The following SLCO4A1 variants were observed in gnomAD, a reference collection of about 807,000 sequenced individuals.
The protein encoded by SLCO4A1 is solute carrier organic anion transporter family member 4A1.
A neutral mutation model predicts 64.6 loss-of-function variants in SLCO4A1; 51 were observed. The observed-to-expected ratio is 0.79, with a 90% confidence interval of 0.63 to 1.00. The LOEUF (loss-of-function observed/expected upper bound fraction) is 1.00. SLCO4A1 is among the 50% of genes least tolerant of loss of function. The pLI, the probability that SLCO4A1 is intolerant of heterozygous loss-of-function variation, is 0.00. For synonymous variants in SLCO4A1, 471 were observed against 444.9 expected, an observed-to-expected ratio of 1.06 and a Z score of -0.74; for missense variants, 919 against 980.5, an observed-to-expected ratio of 0.94 and a Z score of 0.84.
At chr20:62,662,309 A>G (rs1274178297) in intron 5 of SLCO4A1, among the ~76,000 whole-genome samples, 4 of 152,140 alleles carry the variant, frequency 2.6e-5, no homozygotes, top group Non-Finnish European at 5.9e-5. Flanking sequence ...ACCCGGGGCC[A>G]CGTTCCCAGG....
intron 3 of SLCO4A1, 50 bp downstream of exon 3, chr20:62,658,817 C>G (rs763968840): frequency 6.8e-7 from 1 of 1,469,506 alleles, no homozygotes; most frequent in African/African-American, 1.4e-5. Flanking sequence ...CCACGTGTCT[C>G]TGGAAGGGGG....
rs770197123 is a variant in SLCO4A1, at chr20:62,645,885, C to T, written c.-97+3332C>T. ...TGAGGCATTGCCCCTCTGGCCCAAGCCGCAGGGAGAGCTTGCGATGCTTTG... is the reference window on the plus strand; with the variant it reads ...TGAGGCATTGCCCCTCTGGCCCAAGTCGCAGGGAGAGCTTGCGATGCTTTG... On this transcript the variant is annotated intron_variant, in intron 1 of 11. Coordinates refer to ENST00000217159, the MANE Select transcript of SLCO4A1 (RefSeq NM_016354.4). This position sits in a 1 kb window ranked among gnomAD's most constrained non-coding sequence, Gnocchi z 4.2. Among the ~76,000 whole-genome samples the T allele has an allele frequency of 6.6e-6, 1 of 152,100 alleles. No individual in the cohort carries two copies. Among genetic ancestry groups the T allele is most frequent in the Non-Finnish European group, 1.5e-5 (1 of 68,010 alleles).
In SLCO4A1 at chr20:62,665,098, C is replaced by T. The variant is rs1405358587; in HGVS notation, c.1276+10C>T. On this transcript the variant is annotated intron_variant, in intron 6 of 11. Coordinates refer to ENST00000217159, the MANE Select transcript of SLCO4A1 (RefSeq NM_016354.4). ...GCTGCCACCTTGTTTGGTGAGAAAA[C>T]TGAATCTTGGGGGTCCTCTGCTTTT... The T allele has an allele frequency of 6.3e-7, 1 of 1,599,882 alleles. No homozygotes were observed. Among genetic ancestry groups the T allele is most frequent in the Non-Finnish European group, 8.5e-7 (1 of 1,174,652 alleles).
At position 62,656,733 on chromosome 20, in the gene SLCO4A1, G is replaced by A. The variant is rs141017928; in HGVS notation, c.279G>A (p.Pro93=). The A allele has an allele frequency of 1.5e-4, 240 of 1,611,540 alleles. 1 individual carries two copies. Among genetic ancestry groups the A allele is most frequent in the Non-Finnish European group, 1.9e-4 (222 of 1,179,360 alleles). Reference sequence around the variant, plus strand: ...CGTGCGGCTGGTGGGCCTTCGCACCGCCGTGCCTGCAGGTCCTCAACACGC... The same window carrying A: ...CGTGCGGCTGGTGGGCCTTCGCACCACCGTGCCTGCAGGTCCTCAACACGC... ...SVACGWWAFA[P]PCLQVLNTPK... The change falls in exon 2 of 12, where the codon CCG becomes CCA. Residue 93 remains proline (P), a synonymous_variant. Transcript: ENST00000217159.
chr20:62,651,779 T>G (rs948774872), intron 1 of SLCO4A1: 1 of 152,270 alleles, frequency 6.6e-6, no homozygotes, highest in Non-Finnish European at 1.5e-5. Flanking sequence ...CTCAAAGCTA[T>G]GCAGACGGGA....
downstream of SLCO4A1, among the ~76,000 whole-genome samples, chr20:62,676,691 A>G (rs1352415245): frequency 6.6e-6 from 1 of 152,234 alleles, no homozygotes; most frequent in Non-Finnish European, 1.5e-5. Context: ...GTGGGAATGT[A>G]AAACGGTAAA....
At chr20:62,642,594 G>A (rs1364761562) in intron 1 of SLCO4A1, 41 bp downstream of exon 1, 4 of 184,390 alleles carry the variant, frequency 2.2e-5, no homozygotes, top group South Asian at 8.7e-5. Flanking sequence ...GGGTGCACAG[G>A]GCCCGACCTG....
At chr20:62,667,528 G>A in intron 7 of SLCO4A1, 1 of 591,740 alleles carries the variant, frequency 1.7e-6, no homozygotes, top group South Asian at 2.2e-5. Flanking sequence ...GGGGGCATGG[G>A]TGTGCCTTCC....
chr20:62,688,329 C>T (rs1366568826), downstream of SLCO4A1, among the ~76,000 whole-genome samples: 2 of 152,152 alleles, frequency 1.3e-5, no homozygotes, highest in Non-Finnish European at 2.9e-5. Context: ...CTGCCCCCTA[C>T]ACCACTCAGT....
rs986372690 is a variant in SLCO4A1 at position 62,657,212 on chromosome 20, A to T, written c.758A>T (p.Asp253Val). ...TACACGCTGGGCGTCACCTACCTGG[A>T]TGAGAACGTCAAGTCCAGCTGCTCG... ...PLYTLGVTYL[D>V]ENVKSSCSPV... Residue 253 changes from aspartate (D) to valine (V), a missense_variant, in exon 2 of 12, where the codon GAT (aspartate) becomes GTT (valine). Asp to Val is a radical substitution (Grantham distance 152). Transcript: ENST00000217159. The T allele has an allele frequency of 1.1e-5, 17 of 1,542,952 alleles. No homozygotes were observed. The Admixed American group carries it at 2.7e-4, about 25-fold the overall frequency.
rs1986344558 is a variant in SLCO4A1, at chr20:62,666,402, T to G, written c.1299T>G (p.Gly433=). 1.2e-6 allele frequency: 2 copies of G among 1,612,346 alleles called. No individual in the cohort carries two copies. Among genetic ancestry groups the G allele is most frequent in the African/African-American group, 2.7e-5 (2 of 74,664 alleles). The change falls in exon 7 of 12, where the codon GGT becomes GGG. Residue 433 remains glycine, a synonymous_variant. Transcript: ENST00000217159. ...TLFGYLVVPA[G]GGGTFLGGFF... is the part of the protein sequence containing the mutation. Reference sequence around the variant, plus strand: ...CAGGGTACCTGGTGGTGCCAGCGGGTGGTGGCGGCACCTTCCTGGGCGGCT... The same window carrying G: ...CAGGGTACCTGGTGGTGCCAGCGGGGGGTGGCGGCACCTTCCTGGGCGGCT...
rs1981165599 is a variant in SLCO4A1, at chr20:62,645,545, A to G, written c.-97+2992A>G. Among the ~76,000 whole-genome samples, 4 of 150,478 alleles carry G rather than the reference A, an allele frequency of 2.7e-5. No homozygotes were observed. Among genetic ancestry groups the G allele is most frequent in the African/African-American group, 7.3e-5 (3 of 41,106 alleles). On this transcript the variant is annotated intron_variant, in intron 1 of 11. Coordinates refer to ENST00000217159, the MANE Select transcript of SLCO4A1 (RefSeq NM_016354.4). This position sits in a 1 kb window ranked among gnomAD's most constrained non-coding sequence, Gnocchi z 4.2. ...GCAGCCTCACCCTCAGTCCTCAGACACTGGGGTCTCCGGCTGTCTCCAACC... is the reference window on the plus strand; with the variant it reads ...GCAGCCTCACCCTCAGTCCTCAGACGCTGGGGTCTCCGGCTGTCTCCAACC...
intron 11 of SLCO4A1, 72 bp from the exon 12 acceptor site, chr20:62,671,678 G>C: frequency 1.4e-6 from 2 of 1,460,218 alleles, no homozygotes; most frequent in Admixed American, 3.6e-5. Flanking sequence ...GACAGGACTG[G>C]GACAGGCCCA....
rs1983757972 is a variant in SLCO4A1, at chr20:62,656,590, T to C, written c.136T>C (p.Ser46Pro). The C allele has an allele frequency of 6.3e-7, 1 of 1,595,156 alleles. No homozygotes were observed. Among genetic ancestry groups the C allele is most frequent in the African/African-American group, 1.3e-5 (1 of 74,462 alleles). The change falls in exon 2 of 12, where the codon TCC becomes CCC. Residue 46 changes from serine (S) to proline (P), a missense_variant. Transcript: ENST00000217159. ...GTPLSPGSLRSAAHSPLDTSK... is the reference protein window; with the variant it reads ...GTPLSPGSLRPAAHSPLDTSK... ...ACCCCTGAGCCCCGGCTCCCTCCGC[T>C]CCGCTGCCCATAGCCCCCTGGACAC...
intron 3 of SLCO4A1, among the ~76,000 whole-genome samples, chr20:62,659,593 C>T (rs1984389550): frequency 6.6e-6 from 1 of 152,140 alleles, no homozygotes; most frequent in South Asian, 2.1e-4. Flanking sequence ...TCTCTGTGCC[C>T]CTTCTGGCTC....
chr20:62,657,766 C>G (rs1984006291), intron 2 of SLCO4A1, among the ~76,000 whole-genome samples: 1 of 152,210 alleles, frequency 6.6e-6, no homozygotes, highest in Non-Finnish European at 1.5e-5. Flanking sequence ...CACGTCTGCC[C>G]GTAAGCACCG....
At chr20:62,666,121 C>CTCCTT (rs1555916119) in intron 6 of SLCO4A1, 2 of 37,116 alleles carry the variant, frequency 5.4e-5, no homozygotes, top group African/African-American at 1.8e-4. Flanking sequence ...CCCCCCCGCT[C>CTCCTT]CCCCTTCCCC....
chr20:62,659,437 G>A (rs538444298), intron 3 of SLCO4A1, among the ~76,000 whole-genome samples: 3 of 152,304 alleles, frequency 2.0e-5, no homozygotes, highest in Admixed American at 6.5e-5. Flanking sequence ...TGCAGATGGC[G>A]CCTCTCCTGG....
intron 2 of SLCO4A1, among the ~76,000 whole-genome samples, chr20:62,657,900 A>C (rs1360574127): frequency 6.6e-5 from 10 of 152,164 alleles, no homozygotes; most frequent in Admixed American, 6.5e-4. Context: ...AAGAGTAAAG[A>C]TCTATGTTAT....
Sources: allele counts gnomAD v4.1 joint callset (sites outside exome capture counted in the v4.1 genomes callset), GRCh38; gene constraint gnomAD v4.1.1; non-coding constraint Gnocchi (gnomAD v3.1); transcripts MANE v1.5; gene names NCBI Gene and HGNC (gene_info 2026-07-23, HGNC 2026-07-21).